The following CRISPLD2 variants were observed in gnomAD, a reference collection of about 807,000 sequenced individuals.
CRISPLD2 encodes cysteine-rich secretory protein LCCL domain-containing 2.
CRISPLD2 carries 47 observed loss-of-function variants against 71.1 expected under a neutral mutation model. The observed-to-expected ratio is 0.66, with a 90% CI of 0.52 to 0.84. The LOEUF is 0.84. Among genes scored for constraint, CRISPLD2 ranks in the 40% least tolerant of loss-of-function variants. The pLI, the probability that CRISPLD2 is intolerant of heterozygous loss-of-function variation, is 0.00. For synonymous variants in CRISPLD2, 317 were observed against 250.1 expected (o/e 1.27, Z -2.52); for missense variants, 830 against 651.1 (o/e 1.27, Z -2.99).
rs1017228566 is a variant in CRISPLD2 at position 84,844,048 on chromosome 16, G to A, written c.241-1738G>A. Among the ~76,000 whole-genome samples the A allele has an allele frequency of 2.6e-5, 4 of 152,244 alleles. No homozygotes were observed. In the East Asian group the frequency reaches 7.7e-4, roughly 29 times the overall value. ...TGGGTGTGCAGAGGGCAGGAGGCCA[G>A]CCTCTGCCTGCTTAAAGCTGGAGCA... On this transcript the variant is annotated intron_variant, in intron 2 of 14. Coordinates refer to ENST00000262424, the MANE Select transcript of CRISPLD2 (RefSeq NM_031476.4).
chr16:84,906,657 G>T lies in CRISPLD2; in HGVS notation c.*15G>T, dbSNP rs770240749. On this transcript the variant is annotated 3_prime_UTR_variant, in exon 15 of 15. Coordinates refer to ENST00000262424, the MANE Select transcript of CRISPLD2 (RefSeq NM_031476.4). ...TCAGGCAGTGAATTTCCAGCACCAGGGGAGAAGGGGCGTCTTCAGGAGGGC... is the reference window on the plus strand; with the variant it reads ...TCAGGCAGTGAATTTCCAGCACCAGTGGAGAAGGGGCGTCTTCAGGAGGGC... The T allele has an allele frequency of 3.7e-5, 59 of 1,613,996 alleles. No individual in the cohort carries two copies. The highest frequency in any genetic ancestry group is 4.7e-5 in the Non-Finnish European group (55 of 1,179,994).
In CRISPLD2 at chr16:84,850,650, A is replaced by G; in HGVS notation, c.575A>G (p.Asn192Ser). The G allele has an allele frequency of 6.2e-7, 1 of 1,614,136 alleles. No homozygotes were observed. The highest frequency in any genetic ancestry group is 8.5e-7 in the Non-Finnish European group (1 of 1,179,998). ...ACTGTCTGGGGAGAAGTTTGGGAGA[A>G]CGCGGTCTACTTTGTCTGCAATTAT... is the stretch of plus-strand genomic sequence containing the variant. ...KMTVWGEVWENAVYFVCNYSP... is the reference protein window; with the variant it reads ...KMTVWGEVWESAVYFVCNYSP... Residue 192 changes from asparagine to serine, a missense_variant, in exon 5 of 15, where the codon AAC becomes AGC. Coordinates refer to ENST00000262424, the MANE Select transcript of CRISPLD2 (RefSeq NM_031476.4).
chr16:84,865,187 G>A (rs1159650053), intron 6 of CRISPLD2, among the ~76,000 whole-genome samples: 2 of 147,322 alleles, frequency 1.4e-5, no homozygotes, highest in African/African-American at 2.5e-5. Flanking sequence ...ACAGAGTTTC[G>A]CTCTGTCGCC....
At chr16:84,828,427 T>G (rs1916408972) in intron 1 of CRISPLD2, 1 of 152,230 alleles carries the variant, frequency 6.6e-6, no homozygotes, top group African/African-American at 2.4e-5. Flanking sequence ...AGTTGAGGCA[T>G]GCCCAGCTCC....
At chr16:84,827,832 G>C (rs555357852) in intron 1 of CRISPLD2, among the ~76,000 whole-genome samples, 3 of 151,996 alleles carry the variant, frequency 2.0e-5, no homozygotes, top group African/African-American at 4.8e-5. Flanking sequence ...CTCCCAAAGT[G>C]CTGGGATTAC....
At chr16:84,890,369 A>G (rs2071650954) in intron 14 of CRISPLD2, among the ~76,000 whole-genome samples, 1 of 151,860 alleles carries the variant, frequency 6.6e-6, no homozygotes, top group Non-Finnish European at 1.5e-5. Context: ...AAAAAAAAAA[A>G]GAAGTGGCAG....
intron 14 of CRISPLD2, among the ~76,000 whole-genome samples, chr16:84,905,009 G>A (rs755814774): frequency 7.9e-5 from 12 of 152,104 alleles, no homozygotes; most frequent in Non-Finnish European, 1.8e-4. Flanking sequence ...GGCCAGGCAC[G>A]GTGGCTCACA....
intron 12 of CRISPLD2, among the ~76,000 whole-genome samples, chr16:84,880,048 C>T (rs753929125): frequency 1.2e-4 from 18 of 152,148 alleles, no homozygotes; most frequent in African/African-American, 3.4e-4. Flanking sequence ...TCAGTGCCCC[C>T]GCCTTGGAAT....
rs1374941296 is a variant in CRISPLD2 at position 84,907,538 on chromosome 16, T to A, written c.*896T>A. 1 of 152,242 alleles carries A rather than the reference T, an allele frequency of 6.6e-6. No individual in the cohort carries two copies. The highest frequency in any genetic ancestry group is 1.5e-5 in the Non-Finnish European group (1 of 68,044). The allele number at this position is 152,242 out of a possible 1,614,324, so 9.4% of individuals were successfully genotyped here. On this transcript the variant is annotated 3_prime_UTR_variant, in exon 15 of 15. Transcript: ENST00000262424. ...ACTTTTCTTTGCAAGCGAACCTGTTTGAAGCCCAAGTCTTAACTCCTGGTC... is the reference window on the plus strand; with the variant it reads ...ACTTTTCTTTGCAAGCGAACCTGTTAGAAGCCCAAGTCTTAACTCCTGGTC...
At chr16:84,853,228 G>A (rs536534181) in intron 5 of CRISPLD2, among the ~76,000 whole-genome samples, 1 of 152,268 alleles carries the variant, frequency 6.6e-6, no homozygotes, top group African/African-American at 2.4e-5. Context: ...GGGGCAGTGG[G>A]ACGTACCCAC....
At chr16:84,849,563 A>C in intron 4 of CRISPLD2, 46 bp downstream of exon 4, 1 of 1,591,912 alleles carries the variant, frequency 6.3e-7, no homozygotes, top group Non-Finnish European at 8.6e-7. Flanking sequence ...CCCCAATCCC[A>C]GTCATTCACC....
intron 6 of CRISPLD2, among the ~76,000 whole-genome samples, chr16:84,863,919 T>C (rs1917461163): frequency 7.4e-6 from 1 of 135,184 alleles, no homozygotes; most frequent in Non-Finnish European, 1.5e-5. Flanking sequence ...ATCACACCAT[T>C]GCACTCCAGC....
chr16:84,839,031 A>G, intron 2 of CRISPLD2: 2 of 511,410 alleles, frequency 3.9e-6, no homozygotes, highest in East Asian at 4.1e-5. Flanking sequence ...AACTACAGGC[A>G]TGCACCATGG....
chr16:84,832,551 C>A (rs115902965), intron 1 of CRISPLD2, among the ~76,000 whole-genome samples: 2 of 152,250 alleles, frequency 1.3e-5, no homozygotes, highest in African/African-American at 4.8e-5. Flanking sequence ...GAACGAGACC[C>A]GCAGGTCTGC....
At chr16:84,897,127 T>C (rs1203389798) in intron 14 of CRISPLD2, among the ~76,000 whole-genome samples, 5 of 152,204 alleles carry the variant, frequency 3.3e-5, no homozygotes, top group African/African-American at 1.2e-4. Context: ...GGATTGTTCC[T>C]GCCCCTTTAC....
chr16:84,876,956 G>A (rs1409501086), intron 11 of CRISPLD2, among the ~76,000 whole-genome samples: 1 of 152,204 alleles, frequency 6.6e-6, no homozygotes, highest in Non-Finnish European at 1.5e-5. Context: ...CAGCAGGGAT[G>A]AATGTGCCTT....
At position 84,854,904 on chromosome 16, in the gene CRISPLD2, CAG is replaced by C. The variant is rs981459223; in HGVS notation, c.709+76_709+77del. On this transcript the variant is annotated intron_variant, in intron 6 of 14. Coordinates refer to ENST00000262424, the MANE Select transcript of CRISPLD2 (RefSeq NM_031476.4). ...AGTCATGCGACAGCGTTACATGAAA[CAG>C]GGGAATTAAAGAAGTCAGTCACCCC... is the stretch of plus-strand genomic sequence containing the variant. 4.6e-5 allele frequency: 54 copies of C among 1,166,512 alleles called. No homozygotes were observed. The African/African-American group carries it at 5.5e-4, about 12-fold the overall frequency. 72.3% of individuals were successfully genotyped at this position (1,166,512 alleles called of 1,614,324 possible). A position where few individuals can be genotyped will look rare whatever the true frequency, so the allele number is the denominator to read the frequency against.
chr16:84,853,667 C>G (rs914944567), intron 5 of CRISPLD2, among the ~76,000 whole-genome samples: 2 of 152,200 alleles, frequency 1.3e-5, no homozygotes, highest in Non-Finnish European at 2.9e-5. Context: ...CTGGCAGGGC[C>G]CCTCCCCATC....
chr16:84,875,257 A>ATATGTGTGTGTGTGTGTG (rs1555564055), intron 11 of CRISPLD2, among the ~76,000 whole-genome samples: 25 of 148,334 alleles, frequency 1.7e-4, no homozygotes, highest in Middle Eastern at 3.5e-3. Flanking sequence ...ATATATACAT[A>ATATGTGTGTGTGTGTGTG]TGTGTGTGTG....
Sources: gnomAD v4.1 joint callset for allele counts (sites outside exome capture counted in the v4.1 genomes callset) on GRCh38, gnomAD v4.1.1 for gene constraint, MANE v1.5 for transcripts, NCBI Gene and HGNC (gene_info 2026-07-23, HGNC 2026-07-21) for gene names.